The following THSD7A variants were observed in gnomAD, a reference collection of about 807,000 sequenced individuals.
The protein encoded by THSD7A is thrombospondin type-1 domain-containing protein 7A.
Under a neutral mutation model 231.3 loss-of-function variants are expected in THSD7A, and 96 were observed. That is an observed-to-expected ratio of 0.41 (90% CI 0.35 to 0.49). THSD7A has a LOEUF of 0.49. Ranked by LOEUF, THSD7A falls within the 20% of genes least tolerant of loss-of-function variation. The probability of loss-of-function intolerance (pLI) is 0.05; values close to 1 mark genes in which losing one functional copy is unlikely to be tolerated. For missense variants in THSD7A, 2,290 were observed against 2,070.2 expected, an observed-to-expected ratio of 1.11 and a Z score of -2.06; for synonymous variants, 940 against 743.3, an observed-to-expected ratio of 1.26 and a Z score of -4.30.
At chr7:11,754,212 T>G (rs1195739754) in intron 1 of THSD7A, among the ~76,000 whole-genome samples, 1 of 151,930 alleles carries the variant, frequency 6.6e-6, no homozygotes, top group Non-Finnish European at 1.5e-5. Context: ...AGTAAAAGTA[T>G]GAAAATGTTG....
At chr7:11,696,312 A>G (rs187180355) in intron 1 of THSD7A, among the ~76,000 whole-genome samples, 1,760 of 151,692 alleles carry the variant, frequency 0.012, 24 homozygotes, top group Non-Finnish European at 0.018. Context: ...ATAGAAAAAA[A>G]TAGCACACTT....
At position 11,406,203 on chromosome 7, in the gene THSD7A, TTGACATCCTGTAACTTATACTTTATATG is replaced by T; in HGVS notation, c.4237+69_4237+96del. The T allele has an allele frequency of 8.0e-7, 1 of 1,246,888 alleles. No individual in the cohort carries two copies. The highest frequency in any genetic ancestry group is 1.5e-5 in the South Asian group (1 of 66,872). 77.2% of individuals were successfully genotyped at this position (1,246,888 alleles called of 1,614,324 possible). A position where few individuals can be genotyped will look rare whatever the true frequency, so the allele number is the denominator to read the frequency against. On this transcript the variant is annotated intron_variant, in intron 22 of 27. Coordinates refer to ENST00000423059, the MANE Select transcript of THSD7A (RefSeq NM_015204.3). This position sits in a 1 kb window ranked among gnomAD's most constrained non-coding sequence, Gnocchi z 4.7. ...TAGATATTACTGAATAAGAAGACTGTTGACATCCTGTAACTTATACTTTATATGCAACCCCTTCACGGCCCTTGTCCTA... is the reference window on the plus strand; with the variant it reads ...TAGATATTACTGAATAAGAAGACTGTCAACCCCTTCACGGCCCTTGTCCTA...
At chr7:11,592,975 C>T (rs942296216) in intron 3 of THSD7A, among the ~76,000 whole-genome samples, 14 of 152,132 alleles carry the variant, frequency 9.2e-5, no homozygotes, top group African/African-American at 3.1e-4. Flanking sequence ...GTATGGCCTG[C>T]AAAGCTTAAT....
intron 1 of THSD7A, among the ~76,000 whole-genome samples, chr7:11,801,040 G>A (rs770685459): frequency 1.3e-5 from 2 of 152,024 alleles, no homozygotes; most frequent in Non-Finnish European, 2.9e-5. Context: ...GATGGCTCAC[G>A]CCTGTAATCC....
At chr7:11,437,125 G>A (rs1583738841) in intron 13 of THSD7A, among the ~76,000 whole-genome samples, 1 of 152,102 alleles carries the variant, frequency 6.6e-6, no homozygotes, top group African/African-American at 2.4e-5. Context: ...GGCTATGTTT[G>A]ACAGCCTGGC....
chr7:11,757,439 G>C (rs1263692700), intron 1 of THSD7A, among the ~76,000 whole-genome samples: 2 of 151,898 alleles, frequency 1.3e-5, no homozygotes, highest in East Asian at 1.9e-4. Flanking sequence ...CAATAAGAAA[G>C]GAAGTATTAC....
At chr7:11,685,790 C>T (rs762209153) in intron 1 of THSD7A, among the ~76,000 whole-genome samples, 2 of 151,638 alleles carry the variant, frequency 1.3e-5, no homozygotes, top group South Asian at 2.1e-4. Context: ...TAAATTAGCC[C>T]CTGTGCAAAG....
intron 25 of THSD7A, 93 bp from the exon 26 acceptor site, chr7:11,379,373 T>C: frequency 7.8e-7 from 1 of 1,280,234 alleles, no homozygotes. Context: ...AAACAAGGTT[T>C]GTTTTGGGAA....
In THSD7A at chr7:11,636,448, A is replaced by T. The variant is rs1781851039; in HGVS notation, c.704T>A (p.Leu235Gln). ...GGATTGGCACACCTGGAACTCCGTC[A>T]GGTTTGGACAGCCAGAGCCTCCGAA... ...PQFGGSGCPN[L>Q]TEFQVCQSSP... is the part of the protein sequence containing the mutation. Residue 235 changes from leucine to glutamine, a missense_variant, in exon 2 of 28, where the codon CTG becomes CAG. By Grantham distance (113) the Leu-to-Gln change is moderately radical. Transcript: ENST00000423059. This position sits in a 1 kb window ranked among gnomAD's most constrained non-coding sequence, Gnocchi z 10.0. The T allele has an allele frequency of 4.3e-6, 7 of 1,613,624 alleles. No individual in the cohort carries two copies. Among genetic ancestry groups the T allele is most frequent in the Non-Finnish European group, 5.9e-6 (7 of 1,179,826 alleles).
At chr7:11,789,888 G>A (rs1783897282) in intron 1 of THSD7A, among the ~76,000 whole-genome samples, 1 of 151,864 alleles carries the variant, frequency 6.6e-6, no homozygotes, top group Admixed American at 6.6e-5. Flanking sequence ...CTCCTTGTAG[G>A]CAGGATTTAT....
At chr7:11,827,773 C>G (rs1785074749) in intron 1 of THSD7A, among the ~76,000 whole-genome samples, 1 of 152,156 alleles carries the variant, frequency 6.6e-6, no homozygotes, top group African/African-American at 2.4e-5. Context: ...ATATATTGGT[C>G]TAAATATGTC....
intron 6 of THSD7A, among the ~76,000 whole-genome samples, chr7:11,508,232 A>T (rs927517727): frequency 3.3e-5 from 5 of 152,216 alleles, no homozygotes; most frequent in African/African-American, 1.2e-4. Flanking sequence ...AGAACCAAAA[A>T]GAATAACTGC....
chr7:11,715,560 T>C (rs13307057), intron 1 of THSD7A, among the ~76,000 whole-genome samples: 20,782 of 151,478 alleles, frequency 0.14, 1,583 homozygotes, highest in Admixed American at 0.19. Flanking sequence ...CTTCTTTCTG[T>C]CTCTCAAAGC....
At chr7:11,414,328 C>A (rs1384987356) in intron 17 of THSD7A, among the ~76,000 whole-genome samples, 1 of 152,204 alleles carries the variant, frequency 6.6e-6, no homozygotes, top group Non-Finnish European at 1.5e-5. Context: ...CTAATGCCAC[C>A]ATTTTTGGTA....
At chr7:11,648,895 G>A (rs1188020434) in intron 1 of THSD7A, among the ~76,000 whole-genome samples, 2 of 151,862 alleles carry the variant, frequency 1.3e-5, no homozygotes, top group African/African-American at 4.8e-5. Context: ...ATAGACTGTG[G>A]CAATATTTCC....
rs540318147 is a variant in THSD7A, at chr7:11,770,590, ACTT to A, written c.190+61164_190+61166del. Among the ~76,000 whole-genome samples, 14 of 152,256 alleles carry A rather than the reference ACTT, an allele frequency of 9.2e-5. No individual in the cohort carries two copies. In the East Asian group the frequency reaches 2.7e-3, roughly 29 times the overall value. On this transcript the variant is annotated intron_variant, in intron 1 of 27. Transcript: ENST00000423059. Reference sequence around the variant, plus strand: ...CTTTTGAGCTTTATCATTACCCACAACTTCTTTGAAATCTCTCTTCTACTTCAA... The same window carrying A: ...CTTTTGAGCTTTATCATTACCCACAACTTTGAAATCTCTCTTCTACTTCAA...
chr7:11,404,387 G>C (rs1783512039), intron 22 of THSD7A, among the ~76,000 whole-genome samples: 1 of 152,192 alleles, frequency 6.6e-6, no homozygotes, highest in Non-Finnish European at 1.5e-5. Flanking sequence ...TGCCCGTTCT[G>C]CTCAATGGTG....
chr7:11,440,765 G>C (rs1235679008), intron 13 of THSD7A, among the ~76,000 whole-genome samples: 1 of 152,054 alleles, frequency 6.6e-6, no homozygotes, highest in African/African-American at 2.4e-5. Context: ...TGTTTCTTAA[G>C]ATGGAATCTG....
intron 1 of THSD7A, among the ~76,000 whole-genome samples, chr7:11,706,360 A>C (rs1277808341): frequency 1.3e-5 from 2 of 150,908 alleles, no homozygotes; most frequent in Non-Finnish European, 3.0e-5. Context: ...TCAAGGAAAT[A>C]CACATTGAAT....
Sources: gnomAD v4.1 joint callset for allele counts (sites outside exome capture counted in the v4.1 genomes callset) on GRCh38, gnomAD v4.1.1 for gene constraint, Gnocchi (gnomAD v3.1) non-coding constraint, MANE v1.5 for transcripts, NCBI Gene and HGNC (gene_info 2026-07-23, HGNC 2026-07-21) for gene names.